The following TBC1D16 variants were observed in gnomAD, a reference collection of about 807,000 sequenced individuals.
The protein encoded by TBC1D16 is TBC1 domain family member 16.
A neutral mutation model predicts 74.7 loss-of-function variants in TBC1D16; 58 were observed. The ratio of observed to expected loss-of-function variants is 0.78; its 90% CI spans 0.63 to 0.97. The LOEUF is 0.97. TBC1D16 is among the 50% of genes least tolerant of loss of function. TBC1D16 has a pLI of 0.00. For synonymous variants in TBC1D16, 493 were observed against 474.7 expected (o/e 1.04, Z -0.50); for missense variants, 1,014 against 1,079.5 (o/e 0.94, Z 0.85).
chr17:79,941,145 G>A lies in TBC1D16; in HGVS notation c.2056-38C>T, dbSNP rs780227757. 20 of 1,521,336 alleles carry A rather than the reference G, an allele frequency of 1.3e-5. 1 individual carries two copies. In the South Asian group the frequency reaches 1.8e-4, roughly 14 times the overall value. 94.2% of individuals were successfully genotyped at this position (1,521,336 alleles called of 1,614,324 possible). On this transcript the variant is annotated intron_variant, in intron 11 of 11. Coordinates refer to ENST00000310924, the MANE Select transcript of TBC1D16 (RefSeq NM_019020.4). This position sits in a 1 kb window ranked among gnomAD's most constrained non-coding sequence, Gnocchi z 4.3. ...GACGGGGGGTGAGGAGGGGCCGGGGGACAGCCTGGCAGCCTAGGGTCCCCA... is the reference window on the plus strand; with the variant it reads ...GACGGGGGGTGAGGAGGGGCCGGGGAACAGCCTGGCAGCCTAGGGTCCCCA...
chr17:80,023,900 A>G (rs1196556659), intron 1 of TBC1D16: 1 of 150,180 alleles, frequency 6.7e-6, no homozygotes, highest in Non-Finnish European at 1.5e-5. Context: ...CCCTCCAGCC[A>G]GAGAAGAGAA....
rs1175183542 is a variant in TBC1D16 at position 79,961,825 on chromosome 17, T to G, written c.780-9007A>C. Among the ~76,000 whole-genome samples the G allele has an allele frequency of 7.2e-5, 11 of 152,092 alleles. No homozygotes were observed. The highest frequency in any genetic ancestry group is 2.9e-5 in the Non-Finnish European group (2 of 68,028). ...TTGCAGTGAGCCAAGATCACGAGAC[T>G]GCGCTCCAGCCTAGGCAAGAAGAGC... On this transcript the variant is annotated intron_variant, in intron 3 of 11. Transcript: ENST00000310924. This position sits in a 1 kb window ranked among gnomAD's most constrained non-coding sequence, Gnocchi z 4.8.
Position 79,979,636 on chromosome 17 carries a change from G to A in TBC1D16, c.780-26818C>T, listed in dbSNP as rs1459699041. ...TATTCGGTGCCATAAAAAGGCACAC[G>A]TCGACCTTCACTGTTTCCTGCAAAC... is the stretch of plus-strand genomic sequence containing the variant. On this transcript the variant is annotated intron_variant, in intron 3 of 11. Transcript: ENST00000310924. This position sits in a 1 kb window ranked among gnomAD's most constrained non-coding sequence, Gnocchi z 4.8. Among the ~76,000 whole-genome samples, 1 of 152,022 alleles carries A rather than the reference G, an allele frequency of 6.6e-6. No homozygotes were observed. Among genetic ancestry groups the A allele is most frequent in the East Asian group, 1.9e-4 (1 of 5,172 alleles).
In TBC1D16 at chr17:80,013,576, T is replaced by G; in HGVS notation, c.-29A>C. 1 of 1,467,122 alleles carries G rather than the reference T, an allele frequency of 6.8e-7. No homozygotes were observed. Among genetic ancestry groups the G allele is most frequent in the Non-Finnish European group, 9.0e-7 (1 of 1,105,642 alleles). 90.9% of individuals were successfully genotyped at this position (1,467,122 alleles called of 1,614,324 possible). ...CGGGCAAGTGTTTCCATCCTCCGCA[T>G]GCGTCGGCCCGGGCAGGGCTCGTCA... is the stretch of plus-strand genomic sequence containing the variant. On this transcript the variant is annotated 5_prime_UTR_variant, in exon 2 of 12. It removes an upstream start codon present in the reference 5' UTR. Transcript: ENST00000310924.
intron 3 of TBC1D16, among the ~76,000 whole-genome samples, chr17:79,977,383 G>A (rs1001236449): frequency 6.6e-6 from 1 of 152,206 alleles, no homozygotes; most frequent in Non-Finnish European, 1.5e-5. Flanking sequence ...TGACTCCAAC[G>A]AGGCAGAGAC....
intron 1 of TBC1D16, among the ~76,000 whole-genome samples, chr17:80,022,093 G>A (rs1015559060): frequency 1.3e-5 from 2 of 149,722 alleles, no homozygotes; most frequent in Non-Finnish European, 2.9e-5. Flanking sequence ...CCAAGCTAAA[G>A]ATCGTTAAAC....
rs1485632567 is a variant in TBC1D16 at position 79,979,239 on chromosome 17, G to C, written c.780-26421C>G. Among the ~76,000 whole-genome samples the C allele has an allele frequency of 6.6e-6, 1 of 151,972 alleles. No individual in the cohort carries two copies. Reference sequence around the variant, plus strand: ...CTCCGGGGACGCACACCCACGCCTAGAGCACACACGCTCCGGGGATGCACA... The same window carrying C: ...CTCCGGGGACGCACACCCACGCCTACAGCACACACGCTCCGGGGATGCACA... On this transcript the variant is annotated intron_variant, in intron 3 of 11. Coordinates refer to ENST00000310924, the MANE Select transcript of TBC1D16 (RefSeq NM_019020.4). The surrounding 1 kb of genome is among the most constrained non-coding windows in gnomAD (Gnocchi z 4.8).
intron 9 of TBC1D16, among the ~76,000 whole-genome samples, chr17:79,946,854 T>C (rs1223755641): frequency 6.6e-6 from 1 of 152,164 alleles, no homozygotes; most frequent in Non-Finnish European, 1.5e-5. Flanking sequence ...GGAGCCCTCT[T>C]GTCCTTATCA....
At chr17:79,970,069 G>A (rs1048473443) in intron 3 of TBC1D16, among the ~76,000 whole-genome samples, 1 of 152,164 alleles carries the variant, frequency 6.6e-6, no homozygotes, top group Non-Finnish European at 1.5e-5. Flanking sequence ...TAAGGAAATC[G>A]TGGCATCCAT....
intron 3 of TBC1D16, among the ~76,000 whole-genome samples, chr17:79,968,947 T>C (rs2033960178): frequency 6.6e-6 from 1 of 152,028 alleles, no homozygotes; most frequent in African/African-American, 2.4e-5. Context: ...CCCAAATATT[T>C]TTTAAAAACA....
chr17:79,998,327 G>A (rs896828330), intron 3 of TBC1D16, among the ~76,000 whole-genome samples: 1 of 150,520 alleles, frequency 6.6e-6, no homozygotes, highest in African/African-American at 2.4e-5. Flanking sequence ...TTTTCAGACT[G>A]GTGTTTTTTG....
At chr17:80,034,873 G>C (rs2036903482) in intron 1 of TBC1D16, among the ~76,000 whole-genome samples, 1 of 152,206 alleles carries the variant, frequency 6.6e-6, no homozygotes, top group African/African-American at 2.4e-5. Flanking sequence ...TTAAGACGGA[G>C]TTCCCTTTTT....
rs746450905 is a variant in TBC1D16, at chr17:79,960,779, C to CAAAAAAAAAAAAA, written c.780-7974_780-7962dup. 1.3e-3 allele frequency among the ~76,000 whole-genome samples: 45 copies of CAAAAAAAAAAAAA among 33,942 alleles called. 11 individuals carry two copies. Among genetic ancestry groups the CAAAAAAAAAAAAA allele is most frequent in the African/African-American group, 2.3e-3 (22 of 9,548 alleles). The allele number at this position is 33,942 out of a possible 152,430, so 22.3% of individuals were successfully genotyped here. A position where few individuals can be genotyped will look rare whatever the true frequency, so the allele number is the denominator to read the frequency against. ...CAAAAAAACCCAAAAAACAAAAACCCAAAAAAAAAAAAAAAAAAAAAAAAA... is the reference window on the plus strand; with the variant it reads ...CAAAAAAACCCAAAAAACAAAAACCCAAAAAAAAAAAAAAAAAAAAAAAAAAAAAAAAAAAAAA... On this transcript the variant is annotated intron_variant, in intron 3 of 11. Coordinates refer to ENST00000310924, the MANE Select transcript of TBC1D16 (RefSeq NM_019020.4).
chr17:80,024,428 CT>C (rs2036424398), intron 1 of TBC1D16, among the ~76,000 whole-genome samples: 31 of 96,624 alleles, frequency 3.2e-4, no homozygotes, highest in Non-Finnish European at 3.7e-4. Context: ...GACACACACA[CT>C]ACACATCATA....
chr17:79,960,811 G>GAAAAAAA (rs2033578708), intron 3 of TBC1D16, among the ~76,000 whole-genome samples: 4 of 40,324 alleles, frequency 9.9e-5, no homozygotes, highest in Non-Finnish European at 2.0e-4. Flanking sequence ...AAAAAAAAAC[G>GAAAAAAA]AAGGAATGAA....
chr17:79,989,078 C>T (rs2034962567), intron 3 of TBC1D16, among the ~76,000 whole-genome samples: 1 of 152,256 alleles, frequency 6.6e-6, no homozygotes, highest in Non-Finnish European at 1.5e-5. Flanking sequence ...CAAACACAAA[C>T]TCCCAAACAC....
rs542618724 is a variant in TBC1D16 at position 79,960,576 on chromosome 17, C to T, written c.780-7758G>A. On this transcript the variant is annotated intron_variant, in intron 3 of 11. Coordinates refer to ENST00000310924, the MANE Select transcript of TBC1D16 (RefSeq NM_019020.4). ...TTCAAGACTAGCCTGGGCAACATGG[C>T]GAAATCCCGTTTCTGCTAAAAATAC... is the stretch of plus-strand genomic sequence containing the variant. Among the ~76,000 whole-genome samples, 9 of 151,584 alleles carry T rather than the reference C, an allele frequency of 5.9e-5. No individual in the cohort carries two copies. In the East Asian group the frequency reaches 7.8e-4, roughly 13 times the overall value.
chr17:79,976,790 G>A (rs1043592257), intron 3 of TBC1D16, among the ~76,000 whole-genome samples: 2 of 152,164 alleles, frequency 1.3e-5, no homozygotes, highest in African/African-American at 4.8e-5. Context: ...CTCTTCCGTT[G>A]ACAGTGCCTT....
chr17:79,941,276 C>T lies in TBC1D16; in HGVS notation c.2056-169G>A, dbSNP rs939497140. Among the ~76,000 whole-genome samples the T allele has an allele frequency of 2.6e-5, 4 of 152,182 alleles. No homozygotes were observed. The highest frequency in any genetic ancestry group is 9.7e-5 in the African/African-American group (4 of 41,448). ...CCTGCATCTCCCACCATCACCGGCA[C>T]CACGGGGCCCTGGGTCTTAGGTGGC... On this transcript the variant is annotated intron_variant, in intron 11 of 11. Transcript: ENST00000310924. This position sits in a 1 kb window ranked among gnomAD's most constrained non-coding sequence, Gnocchi z 4.3.
Sources: allele counts gnomAD v4.1 joint callset (sites outside exome capture counted in the v4.1 genomes callset), GRCh38; gene constraint gnomAD v4.1.1; non-coding constraint Gnocchi (gnomAD v3.1); transcripts MANE v1.5; gene names NCBI Gene and HGNC (gene_info 2026-07-23, HGNC 2026-07-21).